The following TNIP3 variants were observed in gnomAD, a reference collection of about 807,000 sequenced individuals.
TNIP3 encodes TNFAIP3 interacting protein 3.
TNIP3 carries 34 observed loss-of-function variants against 54.1 expected under a neutral mutation model. The ratio of observed to expected loss-of-function variants is 0.63; its 90% CI spans 0.48 to 0.84. The LOEUF (loss-of-function observed/expected upper bound fraction) is 0.84. Ranked by LOEUF, TNIP3 falls within the 40% of genes least tolerant of loss-of-function variation. The pLI, the probability that TNIP3 is intolerant of heterozygous loss-of-function variation, is 0.00. For missense variants in TNIP3, 366 were observed against 387.6 expected (o/e 0.94, Z 0.47); for synonymous variants, 134 against 136.8 (o/e 0.98, Z 0.14).
chr4:121,225,394 C>T (rs1727213802), intron 1 of TNIP3, among the ~76,000 whole-genome samples: 1 of 152,168 alleles, frequency 6.6e-6, no homozygotes, highest in Non-Finnish European at 1.5e-5. Context: ...TTTACTCATG[C>T]TCTGTGCAAT....
intron 10 of TNIP3, among the ~76,000 whole-genome samples, chr4:121,133,822 G>A (rs954048856): frequency 5.3e-5 from 8 of 152,080 alleles, no homozygotes; most frequent in African/African-American, 1.4e-4. Context: ...TTTGGACACA[G>A]ATGGAAGATG....
At chr4:121,167,209 C>G (rs979955772), upstream of TNIP3, among the ~76,000 whole-genome samples, 9 of 151,992 alleles carry the variant, frequency 5.9e-5, no homozygotes, top group African/African-American at 1.9e-4. Context: ...CAAAAATTCC[C>G]TGCTTATGAT....
At chr4:121,219,131 C>A (rs935177587), upstream of TNIP3, among the ~76,000 whole-genome samples, 33 of 150,952 alleles carry the variant, frequency 2.2e-4, no homozygotes, top group African/African-American at 8.0e-4. Context: ...ACCAAGGAGG[C>A]GGAGGTTGCA....
chr4:121,145,606 T>A (rs1158807168), intron 7 of TNIP3, among the ~76,000 whole-genome samples: 1 of 149,074 alleles, frequency 6.7e-6, no homozygotes, highest in Non-Finnish European at 1.5e-5. Context: ...AATTATTTAA[T>A]TAAATATAAT....
chr4:121,153,422 G>T (rs1353187744), intron 5 of TNIP3, among the ~76,000 whole-genome samples: 3 of 151,942 alleles, frequency 2.0e-5, no homozygotes, highest in Non-Finnish European at 4.4e-5. Flanking sequence ...AAAATGGGAG[G>T]ATTTTAAATA....
At chr4:121,151,980 T>C (rs150034833) in intron 5 of TNIP3, among the ~76,000 whole-genome samples, 2 of 152,348 alleles carry the variant, frequency 1.3e-5, no homozygotes, top group Non-Finnish European at 2.9e-5. Flanking sequence ...TTGTTTTCAC[T>C]TTGGTTAAAC....
intron 10 of TNIP3, chr4:121,138,078 T>G (rs1228850349): frequency 2.3e-6 from 1 of 439,794 alleles, no homozygotes; most frequent in East Asian, 7.0e-5. Flanking sequence ...TACTCTTAGT[T>G]GTGAGTACTT....
chr4:121,190,652 T>C (rs1725258948), intron 2 of TNIP3, among the ~76,000 whole-genome samples: 1 of 152,188 alleles, frequency 6.6e-6, no homozygotes, highest in African/African-American at 2.4e-5. Context: ...AGCAGGGATC[T>C]GGAGGTATAC....
At position 121,132,520 on chromosome 4, in the gene TNIP3, AG is replaced by A. The variant is rs1339169539; in HGVS notation, c.*110del. The A allele has an allele frequency of 8.1e-6, 8 of 986,058 alleles. No individual in the cohort carries two copies. The highest frequency in any genetic ancestry group is 1.3e-5 in the Non-Finnish European group (8 of 635,222). The allele number at this position is 986,058 out of a possible 1,614,324, so 61.1% of individuals were successfully genotyped here. ...GAAAACATGACCAGGCACAAATAACAGGGTAGATGATGTGCCTTTGTGGCAG... is the reference window on the plus strand; with the variant it reads ...GAAAACATGACCAGGCACAAATAACAGGTAGATGATGTGCCTTTGTGGCAG... On this transcript the variant is annotated 3_prime_UTR_variant, in exon 11 of 11. Coordinates refer to ENST00000057513, the MANE Select transcript of TNIP3 (RefSeq NM_024873.6).
At chr4:121,224,266 G>A (rs930023878) in intron 1 of TNIP3, among the ~76,000 whole-genome samples, 2 of 151,870 alleles carry the variant, frequency 1.3e-5, no homozygotes, top group African/African-American at 4.8e-5. Context: ...GGGAGGCTGA[G>A]ACAGGAGAAT....
At chr4:121,154,753 A>G (rs1165484458) in intron 4 of TNIP3, 74 bp from the exon 5 acceptor site, 1 of 1,413,066 alleles carries the variant, frequency 7.1e-7, no homozygotes, top group African/African-American at 1.4e-5. Flanking sequence ...GAATTCTGAT[A>G]TATCAGCCAT....
intron 2 of TNIP3, among the ~76,000 whole-genome samples, chr4:121,198,294 C>T (rs17051321): frequency 0.24 from 36,039 of 151,920 alleles, 4,504 homozygotes; most frequent in African/African-American, 0.29. Flanking sequence ...AGCACATGAC[C>T]TTCATTGTAA....
intron 1 of TNIP3, among the ~76,000 whole-genome samples, chr4:121,162,761 C>A (rs993393097): frequency 1.3e-5 from 2 of 152,182 alleles, no homozygotes; most frequent in African/African-American, 4.8e-5. Flanking sequence ...TCTAGAAGAG[C>A]AGCCAGGGCA....
At chr4:121,218,536 C>CCCTT (rs150342130), upstream of TNIP3, among the ~76,000 whole-genome samples, 4 of 150,614 alleles carry the variant, frequency 2.7e-5, no homozygotes, top group South Asian at 4.2e-4. Flanking sequence ...CTCCCTCCCT[C>CCCTT]CCTTCCTTCC....
intron 2 of TNIP3, among the ~76,000 whole-genome samples, chr4:121,193,513 G>A (rs1434330071): frequency 6.6e-6 from 1 of 152,146 alleles, no homozygotes; most frequent in Non-Finnish European, 1.5e-5. Flanking sequence ...CTACTGATAA[G>A]TGTAGAGAAC....
chr4:121,138,574 C>T (rs375075448), intron 10 of TNIP3, 50 bp downstream of exon 10: 209 of 1,526,694 alleles, frequency 1.4e-4, no homozygotes, highest in Admixed American at 6.6e-4. Context: ...CCCAAAAGAT[C>T]CCATTAAGAT....
intron 2 of TNIP3, among the ~76,000 whole-genome samples, chr4:121,191,773 T>C (rs1725322695): frequency 6.6e-6 from 1 of 152,208 alleles, no homozygotes. Flanking sequence ...GACAAAACAC[T>C]ACTATCTTAA....
At chr4:121,157,330 A>G in intron 3 of TNIP3, 87 bp from the exon 4 acceptor site, 1 of 1,564,220 alleles carries the variant, frequency 6.4e-7, no homozygotes, top group Non-Finnish European at 8.8e-7. Flanking sequence ...GAACTTTGGC[A>G]GAAACGCCCC....
rs149452584 is a variant in TNIP3 at position 121,146,906 on chromosome 4, T to G, written c.735+143A>C. ...AGTCATTTTCATCTCTTTACAAGAT[T>G]GTTTAAGAATGACTTCATCCCAGGT... On this transcript the variant is annotated intron_variant, in intron 7 of 10. Transcript: ENST00000057513. The G allele has an allele frequency of 3.7e-3, 2,887 of 783,684 alleles. 15 individuals are homozygous for G. The highest frequency in any genetic ancestry group is 4.4e-3 in the Non-Finnish European group (2,335 of 536,040). 48.5% of individuals were successfully genotyped at this position (783,684 alleles called of 1,614,324 possible).
Sources: allele counts gnomAD v4.1 joint callset (sites outside exome capture counted in the v4.1 genomes callset), GRCh38; gene constraint gnomAD v4.1.1; transcripts MANE v1.5; gene names NCBI Gene and HGNC (gene_info 2026-07-23, HGNC 2026-07-21).